The following DIAPH1 variants were observed in gnomAD, a reference collection of about 807,000 sequenced individuals.
DIAPH1 encodes protein diaphanous homolog 1.
A neutral mutation model predicts 140.7 loss-of-function variants in DIAPH1; 46 were observed. The observed-to-expected ratio is 0.33, with a 90% CI of 0.26 to 0.42. The LOEUF (loss-of-function observed/expected upper bound fraction) is 0.42, where lower values mean the gene tolerates loss of function less well. DIAPH1 is among the 10% of genes least tolerant of loss of function. The probability of loss-of-function intolerance (pLI) is 1.00; values close to 1 mark genes in which losing one functional copy is unlikely to be tolerated. For synonymous variants in DIAPH1, 565 were observed against 551.6 expected, an observed-to-expected ratio of 1.02 and a Z score of -0.34; for missense variants, 1,310 against 1,558.7, an observed-to-expected ratio of 0.84 and a Z score of 2.69.
intron 1 of DIAPH1, among the ~76,000 whole-genome samples, chr5:141,598,173 C>T (rs1251463675): frequency 1.3e-5 from 2 of 152,104 alleles, no homozygotes; most frequent in Admixed American, 1.3e-4. Flanking sequence ...AGTGGCAATG[C>T]CAACTTTTAT....
chr5:141,528,624 A>G (rs1251807401), intron 22 of DIAPH1, 42 bp from the exon 23 acceptor site: 134 of 1,614,256 alleles, frequency 8.3e-5, no homozygotes, highest in Non-Finnish European at 1.1e-4. Context: ...GACATGTCCA[A>G]GATGGCCTCC....
At chr5:141,578,071 G>A (rs1039204457) in intron 11 of DIAPH1, 154 bp downstream of exon 11, 22 of 744,108 alleles carry the variant, frequency 3.0e-5, no homozygotes, top group African/African-American at 6.8e-5. Flanking sequence ...TAAAGCCAGC[G>A]CAATAAAAAT....
At chr5:141,580,039 T>C (rs979894631) in intron 8 of DIAPH1, among the ~76,000 whole-genome samples, 10 of 151,374 alleles carry the variant, frequency 6.6e-5, no homozygotes, top group Admixed American at 3.9e-4. Flanking sequence ...GTATATGGAA[T>C]ACTAAATAGC....
At chr5:141,529,301 G>A (rs368553677) in intron 20 of DIAPH1, 28 bp from the exon 21 acceptor site, 3 of 1,575,684 alleles carry the variant, frequency 1.9e-6, no homozygotes, top group African/African-American at 1.3e-5. Context: ...CATCTCAGCT[G>A]GAGGGGAATT....
In DIAPH1 at chr5:141,573,596, G is replaced by C. The variant is rs759882305; in HGVS notation, c.2254C>G (p.Pro752Ala). ...GCTGCAGGAACTCCAAATCCAAATG[G>C]GGGAGGTGGAGGCATACCCATTCCG... is the stretch of plus-strand genomic sequence containing the variant. Reference protein sequence around the residue: ...PPGMGMPPPPPFGFGVPAAPV... With the variant: ...PPGMGMPPPPAFGFGVPAAPV... The change falls in exon 16 of 28, where the codon CCA (proline) becomes GCA (alanine). Residue 752 changes from proline to alanine, a missense_variant. Pro to Ala is a conservative substitution (Grantham distance 27, BLOSUM62 -1). Transcript: ENST00000389054. The C allele has an allele frequency of 1.9e-6, 3 of 1,614,058 alleles. No homozygotes were observed. The East Asian group carries it at 6.7e-5, about 36-fold the overall frequency.
chr5:141,558,894 G>C (rs1253252984), intron 18 of DIAPH1, among the ~76,000 whole-genome samples: 3 of 141,240 alleles, frequency 2.1e-5, no homozygotes, highest in Non-Finnish European at 4.5e-5. Context: ...TACAACACAG[G>C]TGCACAAAAA....
At position 141,528,727 on chromosome 5, in the gene DIAPH1, C is replaced by G. The variant is rs1188077682; in HGVS notation, c.2993G>C (p.Gly998Ala). The G allele has an allele frequency of 6.2e-7, 1 of 1,614,200 alleles. No homozygotes were observed. Among genetic ancestry groups the G allele is most frequent in the Admixed American group, 1.7e-5 (1 of 60,018 alleles). Reference protein sequence around the residue: ...NAGSRNAGAFGFNISFLCKLR... With the variant: ...NAGSRNAGAFAFNISFLCKLR... The stretch of plus-strand genomic sequence containing the variant: ...CTTACAGAGGAAGCTGATATTGAAG[C>G]CAAAAGCACCAGCATTTCTGGAGCC... The change falls in exon 22 of 28, where the codon GGC becomes GCC. Residue 998 changes from glycine to alanine, a missense_variant. By Grantham distance (60) the Gly-to-Ala change is moderately conservative (BLOSUM62 0). This residue lies in a region of DIAPH1 where 344 missense variants were observed against 512.2 expected (regional missense o/e 0.67). Transcript: ENST00000389054.
chr5:141,611,743 A>T (rs1562352771), intron 1 of DIAPH1, among the ~76,000 whole-genome samples: 1 of 152,240 alleles, frequency 6.6e-6, no homozygotes, highest in African/African-American at 2.4e-5. Context: ...ACAAGAAAAG[A>T]TGTTCAACAT....
intron 5 of DIAPH1, 52 bp downstream of exon 5, chr5:141,583,433 A>T: frequency 1.2e-5 from 20 of 1,614,014 alleles, no homozygotes; most frequent in Non-Finnish European, 1.7e-5. Context: ...AATCACCACC[A>T]GTGAAGTCCA....
chr5:141,522,326 G>A (rs1195466595), intron 27 of DIAPH1, among the ~76,000 whole-genome samples: 1 of 152,146 alleles, frequency 6.6e-6, no homozygotes, highest in African/African-American at 2.4e-5. Flanking sequence ...GCATGGGAGA[G>A]AGTACTTTGA....
chr5:141,523,502 G>A (rs1032630482), intron 27 of DIAPH1, among the ~76,000 whole-genome samples: 3 of 152,090 alleles, frequency 2.0e-5, no homozygotes, highest in Non-Finnish European at 4.4e-5. Flanking sequence ...AGAATCTCTA[G>A]CTCAATGTAA....
intron 1 of DIAPH1, among the ~76,000 whole-genome samples, chr5:141,613,233 C>T (rs1051818189): frequency 3.3e-5 from 5 of 152,104 alleles, no homozygotes; most frequent in South Asian, 2.1e-4. Flanking sequence ...TTCTATCCCC[C>T]GCCTTGGAGG....
At chr5:141,566,558 C>G (rs2099894403) in intron 18 of DIAPH1, among the ~76,000 whole-genome samples, 1 of 152,162 alleles carries the variant, frequency 6.6e-6, no homozygotes. Flanking sequence ...ACATCTACCC[C>G]ATCTCCAAGC....
chr5:141,617,305 GA>G lies in DIAPH1; in HGVS notation c.117+1492del, dbSNP rs538752023. Among the ~76,000 whole-genome samples the G allele has an allele frequency of 4.4e-3, 664 of 149,842 alleles. 3 individuals carry two copies. Among genetic ancestry groups the G allele is most frequent in the Middle Eastern group, 0.01 (3 of 290 alleles). ...CCTTAACCTTATATTTCTAGGGGGG[GA>G]AAAAAAGATGTTCACCAGATAAAAA... On this transcript the variant is annotated intron_variant, in intron 1 of 27. Transcript: ENST00000389054.
intron 18 of DIAPH1, among the ~76,000 whole-genome samples, chr5:141,542,586 A>G (rs529470834): frequency 6.6e-6 from 1 of 152,358 alleles, no homozygotes; most frequent in Admixed American, 6.5e-5. Context: ...TGCTAAAGTG[A>G]AAGAAGCCAG....
intron 19 of DIAPH1, among the ~76,000 whole-genome samples, chr5:141,533,716 GA>G (rs2099888584): frequency 6.6e-6 from 1 of 152,082 alleles, no homozygotes; most frequent in Admixed American, 6.6e-5. Flanking sequence ...TGGGAGCAAG[GA>G]AATGTCCAGT....
At chr5:141,549,371 ATAATT>A (rs901988968) in intron 18 of DIAPH1, among the ~76,000 whole-genome samples, 5 of 152,168 alleles carry the variant, frequency 3.3e-5, no homozygotes, top group Non-Finnish European at 7.4e-5. Flanking sequence ...AAAATATCCA[ATAATT>A]TAGTTTTAAA....
intron 18 of DIAPH1, among the ~76,000 whole-genome samples, chr5:141,547,939 C>T (rs1048306115): frequency 4.6e-5 from 7 of 152,082 alleles, no homozygotes; most frequent in African/African-American, 1.7e-4. Context: ...AGATGATTCA[C>T]ACCTGTAATC....
At chr5:141,611,465 A>AG (rs1305463594) in intron 1 of DIAPH1, among the ~76,000 whole-genome samples, 2 of 152,170 alleles carry the variant, frequency 1.3e-5, no homozygotes, top group Non-Finnish European at 2.9e-5. Flanking sequence ...AGGCTGAGGC[A>AG]GGATTCCTGA....
Sources: allele counts gnomAD v4.1 joint callset (sites outside exome capture counted in the v4.1 genomes callset), GRCh38; gene constraint gnomAD v4.1.1; regional missense constraint gnomAD v4.1.1; transcripts MANE v1.5; gene names NCBI Gene and HGNC (gene_info 2026-07-23, HGNC 2026-07-21).